Variants in OSTN observed in about 807,000 individuals in gnomAD.
The protein encoded by OSTN is osteocrin.
In OSTN, 9 loss-of-function variants were observed where a neutral mutation model predicts 12.0. The ratio of observed to expected loss-of-function variants is 0.75; its 90% CI spans 0.45 to 1.30. The LOEUF (loss-of-function observed/expected upper bound fraction) is 1.30, where lower values mean the gene tolerates loss of function less well. Ranked by LOEUF, OSTN falls within the 50% of genes most tolerant of loss-of-function variation. The pLI is 0.00. For synonymous variants in OSTN, 59 were observed against 56.9 expected, an observed-to-expected ratio of 1.04 and a Z score of -0.16; for missense variants, 148 against 152.3, an observed-to-expected ratio of 0.97 and a Z score of 0.15.
rs561633153 is a variant in OSTN, at chr3:191,259,461, G to A, written c.*13-3405G>A. Among the ~76,000 whole-genome samples the A allele has an allele frequency of 3.9e-3, 589 of 150,528 alleles. 10 individuals are homozygous for A. Among genetic ancestry groups the A allele is most frequent in the Middle Eastern group, 6.9e-3 (2 of 288 alleles). ...CATGATCCACCCGCCTTGGCCTCCC[G>A]AAGTGCTGGGATTACAGGCGTGAGC... is the stretch of plus-strand genomic sequence containing the variant. On this transcript the variant is annotated intron_variant, in intron 4 of 4. Transcript: ENST00000682035.
chr3:191,242,491 G>T (rs1305061006), intron 3 of OSTN, among the ~76,000 whole-genome samples: 2 of 152,022 alleles, frequency 1.3e-5, no homozygotes, highest in African/African-American at 2.4e-5. Flanking sequence ...GAATCATTAG[G>T]CATGAATATA....
rs1020430263 is a variant in OSTN, at chr3:191,248,192, G to A, written c.318-1845G>A. ...TAATATCAGGAGCACCGATATGACT[G>A]TGTAGTCAAGGAAAAAAAATGACAT... On this transcript the variant is annotated intron_variant, in intron 3 of 4. Coordinates refer to ENST00000682035, the MANE Select transcript of OSTN (RefSeq NM_198184.2). Among the ~76,000 whole-genome samples, 4 of 151,938 alleles carry A rather than the reference G, an allele frequency of 2.6e-5. No individual in the cohort carries two copies. In the East Asian group the frequency reaches 7.7e-4, roughly 29 times the overall value.
intron 3 of OSTN, among the ~76,000 whole-genome samples, chr3:191,232,646 G>C (rs896747363): frequency 6.7e-6 from 1 of 149,798 alleles, no homozygotes; most frequent in African/African-American, 2.5e-5. Context: ...TGTTGCCCAG[G>C]CTGGAGTGCA....
chr3:191,208,873 TC>T (rs1714347336), intron 1 of OSTN, among the ~76,000 whole-genome samples: 1 of 152,180 alleles, frequency 6.6e-6, no homozygotes, highest in African/African-American at 2.4e-5. Context: ...AAAAGATATA[TC>T]AGGCCAGACG....
intron 3 of OSTN, among the ~76,000 whole-genome samples, chr3:191,245,045 TA>T (rs1560123059): frequency 6.6e-6 from 1 of 152,188 alleles, no homozygotes; most frequent in Non-Finnish European, 1.5e-5. Flanking sequence ...GATACTTTTT[TA>T]CTGGGACAAT....
At chr3:191,223,010 T>A (rs577596802) in intron 3 of OSTN, among the ~76,000 whole-genome samples, 3 of 152,272 alleles carry the variant, frequency 2.0e-5, no homozygotes, top group Non-Finnish European at 2.9e-5. Flanking sequence ...AAAATTAAAT[T>A]AATTTAAATT....
chr3:191,225,423 C>A (rs1479761431), intron 3 of OSTN, among the ~76,000 whole-genome samples: 1 of 152,104 alleles, frequency 6.6e-6, no homozygotes, highest in Non-Finnish European at 1.5e-5. Flanking sequence ...AGTACTTTAT[C>A]TTTTCAGAGA....
Position 191,221,273 on chromosome 3 carries a change from A to G in OSTN, c.317+2312A>G, listed in dbSNP as rs920589983. Among the ~76,000 whole-genome samples the G allele has an allele frequency of 4.6e-5, 7 of 151,186 alleles. No individual in the cohort carries two copies. In the South Asian group the frequency reaches 8.3e-4, roughly 18 times the overall value. On this transcript the variant is annotated intron_variant, in intron 3 of 4. Coordinates refer to ENST00000682035, the MANE Select transcript of OSTN (RefSeq NM_198184.2). ...TCTCAGGTATGTCCTTCATACCAAC[A>G]TAAGAACAGGTACCACAGAGAGTGG... is the stretch of plus-strand genomic sequence containing the variant.
chr3:191,263,362 T>G lies in OSTN; in HGVS notation c.*509T>G, dbSNP rs1715853019. 1 of 152,450 alleles carries G rather than the reference T, an allele frequency of 6.6e-6. No individual in the cohort carries two copies. Among genetic ancestry groups the G allele is most frequent in the Admixed American group, 6.5e-5 (1 of 15,292 alleles). 9.4% of individuals were successfully genotyped at this position (152,450 alleles called of 1,614,324 possible). On this transcript the variant is annotated 3_prime_UTR_variant, in exon 5 of 5. Transcript: ENST00000682035. ...GGTAATAATTATGAAATTAGGCTTC[T>G]CTTTTCATATTCAAGTTTCAGTCAT...
rs530902949 is a variant in OSTN, at chr3:191,224,394, A to C, written c.317+5433A>C. On this transcript the variant is annotated intron_variant, in intron 3 of 4. Transcript: ENST00000682035. ...TCCATCTCAGAAAAAAAAAAAAAAA[A>C]GAAACATATTAATAATAGAAGAGCT... Among the ~76,000 whole-genome samples, 27 of 151,780 alleles carry C rather than the reference A, an allele frequency of 1.8e-4. 1 individual carries two copies. In the East Asian group the frequency reaches 4.6e-3, roughly 26 times the overall value.
chr3:191,249,952 C>T (rs1438710960), intron 3 of OSTN, 85 bp from the exon 4 acceptor site: 1 of 1,008,208 alleles, frequency 9.9e-7, no homozygotes, highest in South Asian at 1.3e-5. Context: ...AAAGAAAGCC[C>T]CCAGAGCTAC....
intron 1 of OSTN, among the ~76,000 whole-genome samples, chr3:191,210,849 G>A (rs1018623396): frequency 1.3e-5 from 2 of 152,070 alleles, no homozygotes; most frequent in Non-Finnish European, 2.9e-5. Context: ...CATACTCCAC[G>A]ATCTTCCCTG....
chr3:191,241,668 AG>A (rs1304508263), intron 3 of OSTN, among the ~76,000 whole-genome samples: 2 of 152,214 alleles, frequency 1.3e-5, no homozygotes, highest in African/African-American at 4.8e-5. Flanking sequence ...AAGGAAAAAA[AG>A]TTTTAATGAC....
At chr3:191,231,446 T>C (rs1461640854) in intron 3 of OSTN, among the ~76,000 whole-genome samples, 2 of 152,088 alleles carry the variant, frequency 1.3e-5, no homozygotes, top group African/African-American at 4.8e-5. Context: ...TTGCAAACTT[T>C]TCATAAAAAT....
intron 3 of OSTN, among the ~76,000 whole-genome samples, chr3:191,225,208 A>G (rs1219991436): frequency 6.6e-6 from 1 of 152,186 alleles, no homozygotes; most frequent in Non-Finnish European, 1.5e-5. Context: ...AAACAAATTC[A>G]GTACCTTTAA....
chr3:191,210,254 A>G (rs868085962), intron 1 of OSTN, among the ~76,000 whole-genome samples: 1 of 152,194 alleles, frequency 6.6e-6, no homozygotes, highest in East Asian at 1.9e-4. Context: ...TCCATTATCC[A>G]GTGGTCTCCC....
At chr3:191,221,828 T>C (rs1257760403) in intron 3 of OSTN, among the ~76,000 whole-genome samples, 2 of 152,236 alleles carry the variant, frequency 1.3e-5, no homozygotes, top group African/African-American at 2.4e-5. Context: ...CTCCAGGGCA[T>C]GTCAGAAGTC....
intron 3 of OSTN, among the ~76,000 whole-genome samples, chr3:191,242,589 C>G (rs1576935895): frequency 6.6e-6 from 1 of 152,216 alleles, no homozygotes; most frequent in East Asian, 1.9e-4. Context: ...GTGACGGGGT[C>G]TCTTTATATT....
intron 3 of OSTN, among the ~76,000 whole-genome samples, chr3:191,229,442 A>G: frequency 6.6e-6 from 1 of 152,214 alleles, no homozygotes; most frequent in East Asian, 1.9e-4. Flanking sequence ...TTTTTAAAAA[A>G]ATAATACAGG....
Sources: allele counts gnomAD v4.1 joint callset (sites outside exome capture counted in the v4.1 genomes callset), GRCh38; gene constraint gnomAD v4.1.1; transcripts MANE v1.5; gene names NCBI Gene and HGNC (gene_info 2026-07-23, HGNC 2026-07-21).